ARMH4: variants seen among roughly 807,000 people sequenced by gnomAD.
The protein encoded by ARMH4 is armadillo-like helical domain-containing protein 4.
ARMH4 carries 49 observed loss-of-function variants against 61.9 expected under a neutral mutation model. That is an observed-to-expected ratio of 0.79 (90% CI 0.63 to 1.00). The LOEUF is 1.00. Among genes scored for constraint, ARMH4 ranks in the 50% least tolerant of loss-of-function variants. The pLI, the probability that ARMH4 is intolerant of heterozygous loss-of-function variation, is 0.00. For missense variants in ARMH4, 934 were observed against 930.0 expected, an observed-to-expected ratio of 1.00 and a Z score of -0.06; for synonymous variants, 368 against 341.5, an observed-to-expected ratio of 1.08 and a Z score of -0.85.
At chr14:58,122,471 AAGTTTATCACCC>A (rs1429855053) in intron 4 of ARMH4, among the ~76,000 whole-genome samples, 1 of 152,170 alleles carries the variant, frequency 6.6e-6, no homozygotes, top group Non-Finnish European at 1.5e-5. Flanking sequence ...CTTAAAGGAT[AAGTTTATCACCC>A]AGTCAGCTAC....
chr14:58,150,031 C>G (rs528459428), intron 1 of ARMH4, among the ~76,000 whole-genome samples: 13 of 152,280 alleles, frequency 8.5e-5, no homozygotes, highest in African/African-American at 3.1e-4. Flanking sequence ...TGAGAGGGTT[C>G]TGCTGTCTGC....
At chr14:58,085,926 C>A (rs947605217) in intron 5 of ARMH4, among the ~76,000 whole-genome samples, 1 of 152,094 alleles carries the variant, frequency 6.6e-6, no homozygotes, top group Non-Finnish European at 1.5e-5. Context: ...AATGCTACAT[C>A]GTAATAATAA....
intron 5 of ARMH4, among the ~76,000 whole-genome samples, chr14:58,023,983 A>G (rs963722574): frequency 6.6e-6 from 1 of 152,174 alleles, no homozygotes; most frequent in African/African-American, 2.4e-5. Context: ...GCTGTCATCC[A>G]GGCTTTGTTG....
rs1416046543 is a variant in ARMH4, at chr14:58,033,146, G to A, written c.2090-20996C>T. On this transcript the variant is annotated intron_variant, in intron 5 of 7. Transcript: ENST00000267485. ...AGCAGTAACCTCTGCAGACTTAAGTGTCCCTGTCTGACAGCTTTGAAGAGA... is the reference window on the plus strand; with the variant it reads ...AGCAGTAACCTCTGCAGACTTAAGTATCCCTGTCTGACAGCTTTGAAGAGA... 2.1e-4 allele frequency among the ~76,000 whole-genome samples: 21 copies of A among 100,034 alleles called. 1 individual carries two copies. The highest frequency in any genetic ancestry group is 1.1e-4 in the African/African-American group (3 of 27,336). 65.6% of individuals were successfully genotyped at this position (100,034 alleles called of 152,430 possible).
chr14:58,099,043 T>C (rs57275169), intron 4 of ARMH4, among the ~76,000 whole-genome samples: 11,887 of 152,102 alleles, frequency 0.078, 652 homozygotes, highest in African/African-American at 0.15. Context: ...ATAAGTACAA[T>C]GTGAGATGCA....
At chr14:58,015,345 G>C (rs1407934122) in intron 5 of ARMH4, among the ~76,000 whole-genome samples, 2 of 152,186 alleles carry the variant, frequency 1.3e-5, no homozygotes, top group East Asian at 3.9e-4. Context: ...TGGCTGGAGA[G>C]AGAGGATAGT....
intron 1 of ARMH4, among the ~76,000 whole-genome samples, chr14:58,143,525 G>A (rs1887632572): frequency 6.6e-6 from 1 of 152,114 alleles, no homozygotes; most frequent in African/African-American, 2.4e-5. Flanking sequence ...GTGCACTGAT[G>A]CCATCTCGGC....
At chr14:58,037,527 C>T (rs1166384277) in intron 5 of ARMH4, among the ~76,000 whole-genome samples, 1 of 24,590 alleles carries the variant, frequency 4.1e-5, no homozygotes, top group Admixed American at 5.0e-4. Context: ...AAAGCAATGG[C>T]AACAAAAGAC....
intron 1 of ARMH4, among the ~76,000 whole-genome samples, chr14:58,142,471 C>T (rs1441064725): frequency 2.0e-5 from 3 of 150,924 alleles, no homozygotes; most frequent in South Asian, 4.2e-4. Flanking sequence ...TTTCTTTTCT[C>T]TTCTCTTTTC....
chr14:58,100,416 T>G (rs990405888), intron 4 of ARMH4, among the ~76,000 whole-genome samples: 1 of 151,932 alleles, frequency 6.6e-6, no homozygotes, highest in Non-Finnish European at 1.5e-5. Flanking sequence ...CAGGCATGGG[T>G]GGAGAGGTGA....
intron 5 of ARMH4, among the ~76,000 whole-genome samples, chr14:58,016,298 A>G (rs1355287198): frequency 1.3e-5 from 2 of 152,214 alleles, no homozygotes. Context: ...TATGAAAATA[A>G]AATTATTTTT....
At chr14:58,083,025 G>C (rs1331797404) in intron 5 of ARMH4, among the ~76,000 whole-genome samples, 1 of 152,160 alleles carries the variant, frequency 6.6e-6, no homozygotes, top group Non-Finnish European at 1.5e-5. Context: ...TAGCTGCAGA[G>C]GATCCAGTGA....
chr14:58,034,216 C>T (rs1312496714), intron 5 of ARMH4, among the ~76,000 whole-genome samples: 1 of 135,386 alleles, frequency 7.4e-6, no homozygotes, highest in Non-Finnish European at 1.6e-5. Context: ...CGGCAGAAAC[C>T]CTACAAGCCA....
chr14:58,150,337 C>T (rs1273199884), intron 1 of ARMH4, among the ~76,000 whole-genome samples: 3 of 152,192 alleles, frequency 2.0e-5, no homozygotes, highest in Non-Finnish European at 4.4e-5. Context: ...TCTGCATAGA[C>T]AGCTTCCCTA....
At chr14:58,026,939 AT>A (rs1378207746) in intron 5 of ARMH4, among the ~76,000 whole-genome samples, 2 of 152,186 alleles carry the variant, frequency 1.3e-5, no homozygotes, top group African/African-American at 4.8e-5. Context: ...ATTCTACTTA[AT>A]CAACAAGAAG....
At chr14:58,069,533 G>T (rs1324179257) in intron 5 of ARMH4, among the ~76,000 whole-genome samples, 1 of 152,202 alleles carries the variant, frequency 6.6e-6, no homozygotes, top group Non-Finnish European at 1.5e-5. Context: ...CAAGGGAGAA[G>T]TTGGAAAGGG....
At chr14:58,031,779 A>G (rs1361273501) in intron 5 of ARMH4, among the ~76,000 whole-genome samples, 1 of 152,186 alleles carries the variant, frequency 6.6e-6, no homozygotes, top group East Asian at 1.9e-4. Context: ...GACAAAAGTA[A>G]CTTGAAAAGT....
intron 5 of ARMH4, among the ~76,000 whole-genome samples, chr14:58,066,314 G>C (rs932672178): frequency 7.2e-5 from 11 of 152,186 alleles, no homozygotes; most frequent in Non-Finnish European, 1.5e-4. Context: ...AGCCAGTCCT[G>C]TTCTTCATAG....
chr14:58,017,285 C>A (rs78239789), intron 5 of ARMH4, among the ~76,000 whole-genome samples: 1 of 152,090 alleles, frequency 6.6e-6, no homozygotes. Context: ...CTGCACTCCA[C>A]CCTTGGCAAC....
Sources: gnomAD v4.1 joint callset for allele counts (sites outside exome capture counted in the v4.1 genomes callset) on GRCh38, gnomAD v4.1.1 for gene constraint, MANE v1.5 for transcripts, NCBI Gene and HGNC (gene_info 2026-07-23, HGNC 2026-07-21) for gene names.